Variants in FRMD4A observed in about 807,000 individuals in gnomAD.
FRMD4A encodes the protein FERM domain containing 4A.
In FRMD4A, 29 loss-of-function variants were observed where a neutral mutation model predicts 129.1. The ratio of observed to expected loss-of-function variants is 0.22; its 90% CI spans 0.17 to 0.31. The LOEUF (loss-of-function observed/expected upper bound fraction) is 0.31, where lower values mean the gene tolerates loss of function less well. Among genes scored for constraint, FRMD4A ranks in the 10% least tolerant of loss-of-function variants. FRMD4A has a pLI of 1.00. For missense variants in FRMD4A, 1,272 were observed against 1,375.8 expected (o/e 0.92, Z 1.19); for synonymous variants, 634 against 571.6 (o/e 1.11, Z -1.56).
intron 9 of FRMD4A, among the ~76,000 whole-genome samples, chr10:13,742,150 C>A (rs1008954074): frequency 6.6e-6 from 1 of 152,200 alleles, no homozygotes. Flanking sequence ...GCCACCGCGC[C>A]CAGCTGAAAT....
chr10:13,829,410 A>C (rs1161742116), intron 3 of FRMD4A, among the ~76,000 whole-genome samples: 2 of 152,104 alleles, frequency 1.3e-5, no homozygotes, highest in Non-Finnish European at 2.9e-5. Context: ...CTGTGGTCCC[A>C]GCACAGGAGT....
intron 2 of FRMD4A, among the ~76,000 whole-genome samples, chr10:14,128,054 T>TTCTTTCTC (rs1554766336): frequency 1.1e-4 from 3 of 27,376 alleles, no homozygotes; most frequent in African/African-American, 4.7e-4. Flanking sequence ...CCCTCTTTCT[T>TTCTTTCTC]TCTTTCTTTC....
At chr10:14,314,961 A>AT (rs1253707500) in intron 2 of FRMD4A, among the ~76,000 whole-genome samples, 1 of 150,866 alleles carries the variant, frequency 6.6e-6, no homozygotes, top group Admixed American at 6.6e-5. Flanking sequence ...TTTTTTTTTA[A>AT]TTTTTACTTT....
At chr10:13,807,008 C>T (rs574980963) in intron 4 of FRMD4A, among the ~76,000 whole-genome samples, 3 of 152,080 alleles carry the variant, frequency 2.0e-5, no homozygotes, top group Non-Finnish European at 2.9e-5. Flanking sequence ...GGGGTTTCAC[C>T]GTGTTAGCCA....
rs368403752 is a variant in FRMD4A at position 13,834,333 on chromosome 10, A to G, written c.112-23425T>C. ...CAACAAAACAAAACAAAACCAAACC[A>G]AAAAAACAAGCAGCCAGGCAGCCTA... On this transcript the variant is annotated intron_variant, in intron 3 of 24. Transcript: ENST00000357447. 1.1e-4 allele frequency among the ~76,000 whole-genome samples: 16 copies of G among 152,146 alleles called. No individual in the cohort carries two copies. In the East Asian group the frequency reaches 2.3e-3, roughly 22 times the overall value.
At chr10:14,294,785 C>T (rs1845957563) in intron 2 of FRMD4A, among the ~76,000 whole-genome samples, 1 of 152,198 alleles carries the variant, frequency 6.6e-6, no homozygotes, top group Non-Finnish European at 1.5e-5. Context: ...AATATCAGCT[C>T]TCATCTTATT....
chr10:14,092,407 G>A (rs1008019914), intron 2 of FRMD4A, among the ~76,000 whole-genome samples: 8 of 152,222 alleles, frequency 5.3e-5, no homozygotes, highest in Non-Finnish European at 1.0e-4. Context: ...AACAGGACTG[G>A]GCCGACTGGG....
intron 2 of FRMD4A, among the ~76,000 whole-genome samples, chr10:13,861,360 T>G (rs2094292306): frequency 6.6e-6 from 1 of 152,172 alleles, no homozygotes; most frequent in Non-Finnish European, 1.5e-5. Flanking sequence ...TATGAGAAAA[T>G]TATCTTATTC....
At chr10:14,238,441 C>A (rs1379376881) in intron 2 of FRMD4A, among the ~76,000 whole-genome samples, 2 of 152,216 alleles carry the variant, frequency 1.3e-5, no homozygotes, top group African/African-American at 4.8e-5. Flanking sequence ...CCCATCATTT[C>A]TCCAAAGGAT....
intron 2 of FRMD4A, among the ~76,000 whole-genome samples, chr10:13,892,716 T>C (rs2094714891): frequency 6.6e-6 from 1 of 152,164 alleles, no homozygotes; most frequent in African/African-American, 2.4e-5. Context: ...CCATCCACTC[T>C]TCAGGGGAGA....
intron 2 of FRMD4A, among the ~76,000 whole-genome samples, chr10:13,952,250 C>G (rs367914071): frequency 6.6e-6 from 1 of 151,786 alleles, no homozygotes; most frequent in African/African-American, 2.4e-5. Context: ...GTAATCTCAG[C>G]ACTTGGGGAG....
At chr10:13,977,536 A>G (rs1435846696) in intron 2 of FRMD4A, among the ~76,000 whole-genome samples, 1 of 152,234 alleles carries the variant, frequency 6.6e-6, no homozygotes, top group East Asian at 1.9e-4. Context: ...TCAGTCATTT[A>G]AAATGTACAA....
chr10:13,742,992 CT>C (rs1411288046), intron 9 of FRMD4A, among the ~76,000 whole-genome samples: 103 of 152,262 alleles, frequency 6.8e-4, no homozygotes, highest in African/African-American at 2.4e-3. Context: ...CAACTAGTAT[CT>C]TTTAATTTTA....
At chr10:13,711,356 CT>C (rs2087999273) in intron 12 of FRMD4A, among the ~76,000 whole-genome samples, 1 of 152,250 alleles carries the variant, frequency 6.6e-6, no homozygotes, top group African/African-American at 2.4e-5. Flanking sequence ...CTTGCCTCCC[CT>C]TTGTAAACAG....
intron 2 of FRMD4A, among the ~76,000 whole-genome samples, chr10:14,229,597 T>C (rs533422869): frequency 1.4e-4 from 21 of 152,170 alleles, no homozygotes; most frequent in African/African-American, 4.6e-4. Context: ...ACCACAATGC[T>C]TGGCTAATTT....
At chr10:13,795,112 G>A (rs1433231985) in intron 5 of FRMD4A, among the ~76,000 whole-genome samples, 4 of 152,314 alleles carry the variant, frequency 2.6e-5, no homozygotes, top group Non-Finnish European at 4.4e-5. Context: ...GAGGTGGGGA[G>A]AGCCTGATAT....
In FRMD4A at chr10:14,301,618, T is replaced by C. The variant is rs567408811; in HGVS notation, c.45+28440A>G. On this transcript the variant is annotated intron_variant, in intron 2 of 24. Transcript: ENST00000357447. ...AACATTCTGCATCTAATGATTTCTG[T>C]TGGATTTTTTTTCATTTGCATTATC... Among the ~76,000 whole-genome samples, 5 of 152,360 alleles carry C rather than the reference T, an allele frequency of 3.3e-5. No homozygotes were observed. In the East Asian group the frequency reaches 9.6e-4, roughly 29 times the overall value.
At chr10:14,127,955 TTTC>T (rs1838957143) in intron 2 of FRMD4A, among the ~76,000 whole-genome samples, 1 of 26,700 alleles carries the variant, frequency 3.7e-5, no homozygotes, top group Non-Finnish European at 6.9e-5. Flanking sequence ...TCTTTCTTTC[TTTC>T]TTTCTTTCTT....
At chr10:13,843,416 G>A (rs1243995414) in intron 3 of FRMD4A, among the ~76,000 whole-genome samples, 1 of 152,196 alleles carries the variant, frequency 6.6e-6, no homozygotes, top group African/African-American at 2.4e-5. Flanking sequence ...CTGGGGTGGA[G>A]TCCGGAATCG....
Sources: gnomAD v4.1 joint callset for allele counts (sites outside exome capture counted in the v4.1 genomes callset) on GRCh38, gnomAD v4.1.1 for gene constraint, MANE v1.5 for transcripts, NCBI Gene and HGNC (gene_info 2026-07-23, HGNC 2026-07-21) for gene names.